The following DAB1 variants were observed in gnomAD, a reference collection of about 807,000 sequenced individuals.
DAB1 encodes the protein DAB adaptor protein 1.
A neutral mutation model predicts 64.6 loss-of-function variants in DAB1; 15 were observed. The observed-to-expected ratio is 0.23, with a 90% CI of 0.16 to 0.36. The LOEUF is 0.36. DAB1 is among the 10% of genes least tolerant of loss of function. The probability of loss-of-function intolerance (pLI) is 1.00; values close to 1 mark genes in which losing one functional copy is unlikely to be tolerated. For synonymous variants in DAB1, 235 were observed against 251.9 expected (o/e 0.93, Z 0.64); for missense variants, 596 against 706.7 (o/e 0.84, Z 1.78).
intron 2 of DAB1, among the ~76,000 whole-genome samples, chr1:58,509,523 T>TA (rs1646039868): frequency 8.1e-6 from 1 of 124,086 alleles, no homozygotes; most frequent in South Asian, 2.5e-4. Context: ...TTTATAATGA[T>TA]AAACACCTAC....
At chr1:58,386,673 A>G (rs1252519293) in intron 3 of DAB1, among the ~76,000 whole-genome samples, 1 of 152,208 alleles carries the variant, frequency 6.6e-6, no homozygotes, top group Non-Finnish European at 1.5e-5. Context: ...AAAGTGAGAA[A>G]TATGATGTCA....
At chr1:57,418,975 T>C (rs1237744201) in intron 1 of DAB1, among the ~76,000 whole-genome samples, 1 of 152,228 alleles carries the variant, frequency 6.6e-6, no homozygotes, top group Admixed American at 6.5e-5. Context: ...ATTTGATTAA[T>C]GAGTTGTTTT....
intron 7 of DAB1, among the ~76,000 whole-genome samples, chr1:57,477,377 C>T (rs1315131191): frequency 6.6e-6 from 1 of 152,076 alleles, no homozygotes; most frequent in African/African-American, 2.4e-5. Flanking sequence ...CCCACCCCAC[C>T]CCATTCTATT....
Position 57,096,778 on chromosome 1 carries a change from A to G in DAB1, c.307-24364T>C, listed in dbSNP as rs145197068. Among the ~76,000 whole-genome samples, 143 of 152,326 alleles carry G rather than the reference A, an allele frequency of 9.4e-4. 1 individual carries two copies. Among genetic ancestry groups the G allele is most frequent in the African/African-American group, 3.3e-3 (138 of 41,562 alleles). On this transcript the variant is annotated intron_variant, in intron 4 of 14. Coordinates refer to ENST00000371236, the MANE Select transcript of DAB1 (RefSeq NM_001365792.1). ...TGTCTTGCCTGCATTGTTCACTACT[A>G]TATCCACATGCCTAGAGTACTTACT...
intron 5 of DAB1, among the ~76,000 whole-genome samples, chr1:57,895,701 C>G (rs1569940680): frequency 6.6e-6 from 1 of 152,186 alleles, no homozygotes; most frequent in East Asian, 1.9e-4. Context: ...GGACAATCAG[C>G]TAATACTAAA....
At chr1:57,733,887 C>T (rs906238449) in intron 6 of DAB1, among the ~76,000 whole-genome samples, 65 of 151,934 alleles carry the variant, frequency 4.3e-4, no homozygotes, top group Admixed American at 2.6e-3. Flanking sequence ...GAAGAAGCAG[C>T]ACAGGGAAGG....
chr1:58,506,881 G>A (rs945884910), intron 2 of DAB1, among the ~76,000 whole-genome samples: 13 of 151,838 alleles, frequency 8.6e-5, no homozygotes, highest in African/African-American at 3.1e-4. Context: ...CCTTATAAAA[G>A]TACAATATAA....
chr1:57,535,835 G>A (rs1376562279), intron 7 of DAB1, among the ~76,000 whole-genome samples: 3 of 152,140 alleles, frequency 2.0e-5, no homozygotes, highest in Non-Finnish European at 4.4e-5. Flanking sequence ...GCTTTTCAGG[G>A]TGCAGTGGAG....
intron 1 of DAB1, among the ~76,000 whole-genome samples, chr1:57,343,087 G>A (rs550778513): frequency 4.9e-4 from 74 of 152,082 alleles, no homozygotes; most frequent in African/African-American, 1.8e-3. Context: ...GGTCTGTTTT[G>A]ACAGGGCGCT....
chr1:57,431,527 C>T (rs77902986), intron 7 of DAB1, among the ~76,000 whole-genome samples: 1,786 of 152,232 alleles, frequency 0.012, 42 homozygotes, highest in African/African-American at 0.041. Context: ...ACCGGCCTTG[C>T]TTGATTCCAG....
At chr1:57,861,867 C>A (rs1654052709) in intron 1 of DAB1, among the ~76,000 whole-genome samples, 1 of 151,458 alleles carries the variant, frequency 6.6e-6, no homozygotes, top group Non-Finnish European at 1.5e-5. Flanking sequence ...AAGAACCAAA[C>A]CATTTTCAGG....
At chr1:57,998,928 A>G (rs1441329377) in intron 5 of DAB1, among the ~76,000 whole-genome samples, 1 of 152,174 alleles carries the variant, frequency 6.6e-6, no homozygotes, top group Non-Finnish European at 1.5e-5. Flanking sequence ...TCTCAGGTGC[A>G]ATGCTGGCTC....
intron 7 of DAB1, among the ~76,000 whole-genome samples, chr1:57,596,688 A>C (rs181552014): frequency 6.6e-6 from 1 of 152,238 alleles, no homozygotes; most frequent in Admixed American, 6.5e-5. Context: ...TGAAGAAAGG[A>C]TACAACAATA....
intron 6 of DAB1, among the ~76,000 whole-genome samples, chr1:57,800,252 T>C (rs1054133824): frequency 6.6e-6 from 1 of 151,908 alleles, no homozygotes; most frequent in Non-Finnish European, 1.5e-5. Flanking sequence ...TGGTGGGGAA[T>C]GGGAGAAAGG....
chr1:58,519,299 T>TA (rs2100448007), intron 2 of DAB1, among the ~76,000 whole-genome samples: 1 of 152,306 alleles, frequency 6.6e-6, no homozygotes, highest in East Asian at 1.9e-4. Flanking sequence ...GATATTTTGA[T>TA]AGAGGCATGA....
intron 6 of DAB1, among the ~76,000 whole-genome samples, chr1:57,670,953 C>A (rs1646503659): frequency 2.0e-5 from 3 of 152,092 alleles, no homozygotes; most frequent in Admixed American, 2.0e-4. Flanking sequence ...CTACAGGCAT[C>A]CTCCCATATA....
At chr1:57,533,539 G>GTATATATATATA (rs59378470) in intron 7 of DAB1, among the ~76,000 whole-genome samples, 168 of 143,780 alleles carry the variant, frequency 1.2e-3, no homozygotes, top group Middle Eastern at 3.7e-3. Context: ...TTCATAACAG[G>GTATATATATATA]TATATATATA....
intron 7 of DAB1, among the ~76,000 whole-genome samples, chr1:57,593,058 G>A (rs539794913): frequency 5.3e-5 from 8 of 152,128 alleles, no homozygotes; most frequent in African/African-American, 9.7e-5. Context: ...CATTAGGTAC[G>A]TTCACATTGT....
chr1:57,902,805 C>T (rs184294367), intron 5 of DAB1, among the ~76,000 whole-genome samples: 118 of 152,244 alleles, frequency 7.8e-4, no homozygotes, highest in African/African-American at 2.7e-3. Flanking sequence ...CAATTTGAGA[C>T]TGTATTTAAG....
Sources: gnomAD v4.1 joint callset for allele counts (sites outside exome capture counted in the v4.1 genomes callset) on GRCh38, gnomAD v4.1.1 for gene constraint, MANE v1.5 for transcripts, NCBI Gene and HGNC (gene_info 2026-07-23, HGNC 2026-07-21) for gene names.